The following TGM5 variants were observed in gnomAD, a reference collection of about 807,000 sequenced individuals.
The protein encoded by TGM5 is protein-glutamine gamma-glutamyltransferase 5.
TGM5 carries 69 observed loss-of-function variants against 77.2 expected under a neutral mutation model. The ratio of observed to expected loss-of-function variants is 0.89; its 90% CI spans 0.74 to 1.09. The LOEUF is 1.09. Ranked by LOEUF, TGM5 falls within the 50% of genes least tolerant of loss-of-function variation. The probability of loss-of-function intolerance (pLI) is 0.00; values close to 1 mark genes in which losing one functional copy is unlikely to be tolerated. For synonymous variants in TGM5, 346 were observed against 351.8 expected (o/e 0.98, Z 0.18); for missense variants, 842 against 896.5 (o/e 0.94, Z 0.78).
intron 10 of TGM5, among the ~76,000 whole-genome samples, chr15:43,235,249 C>CA (rs1211371466): frequency 7.5e-6 from 1 of 133,806 alleles, no homozygotes; most frequent in Non-Finnish European, 1.6e-5. Context: ...AGAGGAGATA[C>CA]AACGAAGGAA....
At position 43,238,989 on chromosome 15, in the gene TGM5, G is replaced by A; in HGVS notation, c.1173C>T (p.Asp391=). 6.2e-7 allele frequency: 1 copy of A among 1,614,134 alleles called. No homozygotes were observed. Among genetic ancestry groups the A allele is most frequent in the Non-Finnish European group, 8.5e-7 (1 of 1,180,028 alleles). ...TCACCATCGAAAACACAAAGGGCGT[G>A]TCATAGTTCAGGTCCACTTCTCCTT... ...IKEGEVDLNY[D]TPFVFSMVNA... is the part of the protein sequence containing the mutation. Residue 391 remains aspartate, a synonymous_variant, in exon 9 of 13, where the codon GAC becomes GAT. Coordinates refer to ENST00000220420, the MANE Select transcript of TGM5 (RefSeq NM_201631.4).
chr15:43,248,139 G>A (rs1486414412), intron 6 of TGM5, among the ~76,000 whole-genome samples: 1 of 152,046 alleles, frequency 6.6e-6, no homozygotes, highest in African/African-American at 2.4e-5. Flanking sequence ...TGGGAGAGAG[G>A]GGAACTGAAG....
In TGM5 at chr15:43,234,919, G is replaced by T; in HGVS notation, c.1725C>A (p.Tyr575Ter). 1.9e-6 allele frequency: 3 copies of T among 1,614,070 alleles called. No homozygotes were observed. The highest frequency in any genetic ancestry group is 2.5e-6 in the Non-Finnish European group (3 of 1,179,974). Residue 575 changes from tyrosine (Y) to a stop codon, truncating the protein, a stop_gained, in exon 11 of 13, where the codon TAC becomes TAA. Coordinates refer to ENST00000220420, the MANE Select transcript of TGM5 (RefSeq NM_201631.4). LOFTEE classifies it high-confidence loss of function. ...ACTGGGAATAGGAGATTTTGCAGGG[G>T]TAGGTCTTTGCTAAAGAAAGAACAC... ...ITLSPKEAKTYPCKISYSQYS... is the reference protein window; with the variant it reads ...ITLSPKEAKT
rs1566829269 is a variant in TGM5 at position 43,239,050 on chromosome 15, T to C, written c.1112A>G (p.Tyr371Cys). 1 of 1,613,914 alleles carries C rather than the reference T, an allele frequency of 6.2e-7. No individual in the cohort carries two copies. The highest frequency in any genetic ancestry group is 8.5e-7 in the Non-Finnish European group (1 of 1,179,998). Reference sequence around the variant, plus strand: ...TCTGACAGAGGCAGGGCCACAGCAGTAGACGCCTGAAGGAGAACAGGGGAG... The same window carrying C: ...TCTGACAGAGGCAGGGCCACAGCAGCAGACGCCTGAAGGAGAACAGGGGAG... ...ATPQEMSNGV[Y>C]CCGPASVRAI... The change falls in exon 9 of 13, where the codon TAC becomes TGC. Residue 371 changes from tyrosine to cysteine, a missense_variant. By Grantham distance (194) the Tyr-to-Cys change is radical (BLOSUM62 -2). Coordinates refer to ENST00000220420, the MANE Select transcript of TGM5 (RefSeq NM_201631.4).
At chr15:43,237,770 C>A (rs566372681) in intron 9 of TGM5, among the ~76,000 whole-genome samples, 1 of 152,350 alleles carries the variant, frequency 6.6e-6, no homozygotes, top group South Asian at 2.1e-4. Context: ...GACAACCCCA[C>A]TTCCAGAGCT....
intron 1 of TGM5, among the ~76,000 whole-genome samples, chr15:43,264,903 A>G (rs2042814545): frequency 6.6e-6 from 1 of 152,240 alleles, no homozygotes; most frequent in Non-Finnish European, 1.5e-5. Context: ...CATCTGTTTC[A>G]TAAACTAGTT....
intron 6 of TGM5, among the ~76,000 whole-genome samples, chr15:43,251,968 A>G (rs2142372557): frequency 6.6e-6 from 1 of 152,192 alleles, no homozygotes; most frequent in South Asian, 2.1e-4. Flanking sequence ...ACAACTCCAA[A>G]TTCAAGGTCA....
Position 43,260,568 on chromosome 15 carries a change from C to T in TGM5, c.22G>A (p.Ala8Thr). The T allele has an allele frequency of 6.2e-7, 1 of 1,614,060 alleles. No individual in the cohort carries two copies. The highest frequency in any genetic ancestry group is 8.5e-7 in the Non-Finnish European group (1 of 1,179,932). Residue 8 changes from alanine (A) to threonine (T), a missense_variant, in exon 2 of 13, where the codon GCC becomes ACC. Physicochemically the swap from Ala to Thr is moderately conservative, Grantham distance 58. This residue lies in a region of TGM5 where 815 missense variants were observed against 844.6 expected (regional missense o/e 0.96). Coordinates refer to ENST00000220420, the MANE Select transcript of TGM5 (RefSeq NM_201631.4). The stretch of plus-strand genomic sequence containing the variant: ...CTGGAGCTCTGGAGGTCTGTGAGGG[C>T]CACTTCTAGCCCTGCAATGGGGCAG... MAQGLEV[A>T]LTDLQSSRNN...
intron 3 of TGM5, among the ~76,000 whole-genome samples, chr15:43,257,710 C>T (rs1267127128): frequency 6.6e-6 from 1 of 152,116 alleles, no homozygotes; most frequent in Admixed American, 6.6e-5. Flanking sequence ...CCATTTGACC[C>T]AGCCATACCA....
chr15:43,257,869 A>T (rs2042753521), intron 3 of TGM5, among the ~76,000 whole-genome samples: 1 of 152,244 alleles, frequency 6.6e-6, no homozygotes, highest in African/African-American at 2.4e-5. Context: ...AAAATGTGGC[A>T]CATATACACC....
chr15:43,234,474 G>A (rs2042572135), intron 11 of TGM5, among the ~76,000 whole-genome samples: 1 of 152,184 alleles, frequency 6.6e-6, no homozygotes, highest in Non-Finnish European at 1.5e-5. Flanking sequence ...TCCCATCTGT[G>A]CTCACTTTCC....
chr15:43,259,894 T>G (rs1467864435), intron 3 of TGM5, among the ~76,000 whole-genome samples, 158 bp downstream of exon 3: 1 of 152,234 alleles, frequency 6.6e-6, no homozygotes, highest in African/African-American at 2.4e-5. Flanking sequence ...TAGCAAGATT[T>G]CCTGCCCTGA....
At position 43,260,277 on chromosome 15, in the gene TGM5, A is replaced by C. The variant is rs1421504408; in HGVS notation, c.211T>G (p.Leu71Val). 2.5e-6 allele frequency: 4 copies of C among 1,613,994 alleles called. No homozygotes were observed. Among genetic ancestry groups the C allele is most frequent in the African/African-American group, 1.3e-5 (1 of 74,936 alleles). The change falls in exon 3 of 13, where the codon TTG becomes GTG. Residue 71 changes from leucine to valine, a missense_variant. This residue lies in a region of TGM5 where 815 missense variants were observed against 844.6 expected (regional missense o/e 0.96). Coordinates refer to ENST00000220420, the MANE Select transcript of TGM5 (RefSeq NM_201631.4). Reference protein sequence around the residue: ...VETGPLPDLALGTRAVFSLAR... With the variant: ...VETGPLPDLAVGTRAVFSLAR... ...AGGCTGAACACAGCCCGAGTCCCCA[A>C]GGCCAGGTCTGGCAGCGGTCCTAGG...
At chr15:43,240,444 C>T (rs1057048313) in intron 7 of TGM5, among the ~76,000 whole-genome samples, 7 of 151,878 alleles carry the variant, frequency 4.6e-5, no homozygotes, top group African/African-American at 9.7e-5. Context: ...CCTGTATATA[C>T]GTTAATTAAT....
At chr15:43,252,504 G>C (rs1435878914) in intron 6 of TGM5, among the ~76,000 whole-genome samples, 4 of 152,056 alleles carry the variant, frequency 2.6e-5, no homozygotes, top group Non-Finnish European at 5.9e-5. Flanking sequence ...TTTTAGTAGA[G>C]ACGGGGTTTC....
chr15:43,249,091 C>G (rs2042687572), intron 6 of TGM5, among the ~76,000 whole-genome samples: 1 of 152,056 alleles, frequency 6.6e-6, no homozygotes, highest in African/African-American at 2.4e-5. Context: ...GGACCTTGGA[C>G]CTTATTTTAC....
At chr15:43,241,169 A>C in intron 6 of TGM5, 179 bp from the exon 7 acceptor site, 12 of 803,214 alleles carry the variant, frequency 1.5e-5, no homozygotes, top group Non-Finnish European at 1.8e-5. Context: ...TCTGGAGCTC[A>C]TGGGAGAGAT....
intron 8 of TGM5, 49 bp from the exon 9 acceptor site, chr15:43,239,105 G>A (rs1444520546): frequency 3.4e-5 from 55 of 1,614,012 alleles, no homozygotes; most frequent in Non-Finnish European, 4.6e-5. Flanking sequence ...GCAGGGCTGG[G>A]CAGGGGTGGG....
intron 1 of TGM5, 143 bp from the exon 2 acceptor site, chr15:43,260,722 A>G: frequency 1.2e-6 from 1 of 869,088 alleles, no homozygotes; most frequent in Non-Finnish European, 1.9e-6. Context: ...CCATAAGATC[A>G]GCCTGCCAGG....
Sources: gnomAD v4.1 joint callset for allele counts (sites outside exome capture counted in the v4.1 genomes callset) on GRCh38, gnomAD v4.1.1 for gene constraint, gnomAD v4.1.1 regional missense constraint, MANE v1.5 for transcripts, NCBI Gene and HGNC (gene_info 2026-07-23, HGNC 2026-07-21) for gene names.